Variants in MORC3 observed in about 807,000 individuals in gnomAD.
MORC3 encodes MORC family CW-type zinc finger protein 3.
MORC3 carries 31 observed loss-of-function variants against 109.1 expected under a neutral mutation model. The observed-to-expected ratio is 0.28, with a 90% CI of 0.21 to 0.38. The LOEUF (loss-of-function observed/expected upper bound fraction) is 0.38. Ranked by LOEUF, MORC3 falls within the 10% of genes least tolerant of loss-of-function variation. MORC3 has a pLI of 1.00. For synonymous variants in MORC3, 395 were observed against 380.7 expected, an observed-to-expected ratio of 1.04 and a Z score of -0.44; for missense variants, 867 against 1,135.8, an observed-to-expected ratio of 0.76 and a Z score of 3.40.
Position 36,350,834 on chromosome 21 carries a change from T to C in MORC3, c.1103+1426T>C, listed in dbSNP as rs141687504. Among the ~76,000 whole-genome samples the C allele has an allele frequency of 3.3e-4, 50 of 152,262 alleles. 1 individual carries two copies. The East Asian group carries it at 7.1e-3, about 22-fold the overall frequency. On this transcript the variant is annotated intron_variant, in intron 9 of 16. Coordinates refer to ENST00000400485, the MANE Select transcript of MORC3 (RefSeq NM_015358.3). Reference sequence around the variant, plus strand: ...AAGGAAGAAGTGGCATCAGTCTTTTTATTTACAAAAACTATTTAAAACAAT... The same window carrying C: ...AAGGAAGAAGTGGCATCAGTCTTTTCATTTACAAAAACTATTTAAAACAAT...
At chr21:36,371,815 G>GTTT (rs545030354) in intron 15 of MORC3, among the ~76,000 whole-genome samples, 2 of 124,266 alleles carry the variant, frequency 1.6e-5, no homozygotes, top group Admixed American at 7.6e-5. Context: ...GTTTTGTTTT[G>GTTT]TTTTTTTTTT....
chr21:36,367,772 A>C (rs1170319426), intron 14 of MORC3, among the ~76,000 whole-genome samples: 1 of 152,226 alleles, frequency 6.6e-6, no homozygotes, highest in Non-Finnish European at 1.5e-5. Flanking sequence ...TCAGAAAGAA[A>C]CAGATTATGT....
intron 15 of MORC3, 128 bp from the exon 16 acceptor site, chr21:36,372,246 C>T (rs1470671815): frequency 8.1e-6 from 6 of 742,550 alleles, no homozygotes; most frequent in African/African-American, 7.3e-5. Context: ...ACTGGTTTTT[C>T]TTTGTGTATT....
In MORC3 at chr21:36,369,894, A is replaced by C; in HGVS notation, c.2508+18A>C. ...AAAGTGAGGTGAGTTATATCATCCA[A>C]CATGTAGTCATGGAGTCCAGGGCCA... On this transcript the variant is annotated intron_variant, in intron 15 of 16. Transcript: ENST00000400485. 1.9e-6 allele frequency: 3 copies of C among 1,602,856 alleles called. No homozygotes were observed. The highest frequency in any genetic ancestry group is 1.7e-4 in the Middle Eastern group (1 of 6,046).
intron 10 of MORC3, among the ~76,000 whole-genome samples, chr21:36,359,728 G>GT (rs1228436631): frequency 1.3e-5 from 2 of 151,380 alleles, no homozygotes; most frequent in African/African-American, 4.9e-5. Flanking sequence ...TAATCTTTGT[G>GT]TTTTTTTGTA....
chr21:36,320,546 GCTC>G (rs756982186), intron 1 of MORC3: 44 of 346,674 alleles, frequency 1.3e-4, no homozygotes, highest in Non-Finnish European at 2.2e-4. Context: ...CAGGGTCGCG[GCTC>G]CTCCTCCCAG....
chr21:36,324,417 A>G (rs2146283589), intron 1 of MORC3, among the ~76,000 whole-genome samples: 1 of 151,482 alleles, frequency 6.6e-6, no homozygotes, highest in East Asian at 2.0e-4. Context: ...AGCTGGGACT[A>G]CAAGCACCTG....
intron 10 of MORC3, 146 bp from the exon 11 acceptor site, chr21:36,359,809 C>A: frequency 8.5e-7 from 1 of 1,182,864 alleles, no homozygotes; most frequent in Non-Finnish European, 1.2e-6. Context: ...GCCGTCGCAC[C>A]CAGCCTAATT....
At chr21:36,367,522 A>C (rs2085794472) in intron 14 of MORC3, among the ~76,000 whole-genome samples, 1 of 151,626 alleles carries the variant, frequency 6.6e-6, no homozygotes, top group African/African-American at 2.4e-5. Context: ...TAACAGTCGG[A>C]AGATAGAGAA....
At chr21:36,370,470 CTT>C (rs2085842273) in intron 15 of MORC3, among the ~76,000 whole-genome samples, 1 of 151,366 alleles carries the variant, frequency 6.6e-6, no homozygotes, top group Non-Finnish European at 1.5e-5. Context: ...TAATTATGTT[CTT>C]TTTTGGGCAT....
At chr21:36,355,361 C>T (rs1029207519) in intron 9 of MORC3, among the ~76,000 whole-genome samples, 1 of 152,140 alleles carries the variant, frequency 6.6e-6, no homozygotes, top group Non-Finnish European at 1.5e-5. Context: ...TTCCTGACTT[C>T]AGGAACAAAG....
At chr21:36,367,819 C>T (rs575712783) in intron 14 of MORC3, among the ~76,000 whole-genome samples, 1 of 152,244 alleles carries the variant, frequency 6.6e-6, no homozygotes, top group Non-Finnish European at 1.5e-5. Flanking sequence ...GGCAGAAACA[C>T]TTGAATGGCA....
In MORC3 at chr21:36,339,033, T is replaced by G; in HGVS notation, c.608+112T>G. 5 of 1,228,716 alleles carry G rather than the reference T, an allele frequency of 4.1e-6. No individual in the cohort carries two copies. The South Asian group carries it at 8.5e-5, about 21-fold the overall frequency. The allele number at this position is 1,228,716 out of a possible 1,614,324, so 76.1% of individuals were successfully genotyped here. ...GTAGAAATACATGGAAAGGTACTCA[T>G]TTTTTGGTGTAGTTACTGATTTGTC... On this transcript the variant is annotated intron_variant, in intron 5 of 16. Transcript: ENST00000400485.
At chr21:36,323,559 T>C (rs1366294483) in intron 1 of MORC3, among the ~76,000 whole-genome samples, 1 of 152,108 alleles carries the variant, frequency 6.6e-6, no homozygotes, top group African/African-American at 2.4e-5. Flanking sequence ...AAAGGGTTCA[T>C]GGGAAGAAAA....
At chr21:36,346,413 C>T (rs977141756) in intron 8 of MORC3, among the ~76,000 whole-genome samples, 3 of 152,122 alleles carry the variant, frequency 2.0e-5, no homozygotes, top group African/African-American at 7.2e-5. Flanking sequence ...AGTTGGGGAC[C>T]AGACACAGTG....
chr21:36,335,384 C>T (rs953572022), intron 2 of MORC3, among the ~76,000 whole-genome samples: 2 of 149,310 alleles, frequency 1.3e-5, no homozygotes, highest in Non-Finnish European at 1.5e-5. Flanking sequence ...GGCACAGTCT[C>T]GGCTCACTGC....
chr21:36,339,114 CT>C, intron 5 of MORC3, 193 bp downstream of exon 5: 1 of 606,772 alleles, frequency 1.6e-6, no homozygotes. Flanking sequence ...ATATTTTCAT[CT>C]TGTTAAAAAA....
intron 15 of MORC3, among the ~76,000 whole-genome samples, chr21:36,370,259 C>A (rs2085840214): frequency 6.6e-6 from 1 of 152,068 alleles, no homozygotes; most frequent in African/African-American, 2.4e-5. Context: ...AAAAATAATT[C>A]TGTTCTTATT....
intron 8 of MORC3, among the ~76,000 whole-genome samples, chr21:36,346,335 T>G (rs1271297030): frequency 1.3e-5 from 2 of 152,210 alleles, no homozygotes; most frequent in African/African-American, 4.8e-5. Flanking sequence ...ATTAATTTTG[T>G]ATTTGATCCT....
Sources: allele counts gnomAD v4.1 joint callset (sites outside exome capture counted in the v4.1 genomes callset), GRCh38; gene constraint gnomAD v4.1.1; transcripts MANE v1.5; gene names NCBI Gene and HGNC (gene_info 2026-07-23, HGNC 2026-07-21).